Variants in LY9 observed in about 807,000 individuals in gnomAD.
The protein encoded by LY9 is T-lymphocyte surface antigen Ly-9.
In LY9, 59 loss-of-function variants were observed where a neutral mutation model predicts 64.6. The ratio of observed to expected loss-of-function variants is 0.91; its 90% CI spans 0.74 to 1.13. The LOEUF is 1.13. LY9 is among the 50% of genes most tolerant of loss of function. The probability of loss-of-function intolerance (pLI) is 0.00; values close to 1 mark genes in which losing one functional copy is unlikely to be tolerated. For synonymous variants in LY9, 281 were observed against 308.5 expected, an observed-to-expected ratio of 0.91 and a Z score of 0.93; for missense variants, 789 against 797.2, an observed-to-expected ratio of 0.99 and a Z score of 0.12.
rs1371354199 is a variant in LY9, at chr1:160,813,834, T to C, written c.653T>C (p.Leu218Pro). ...TCCCGAACACCATGTGACCCAGACC[T>C]GCCATACATCTGCACAGCCCAGAAC... ...TVSRTPCDPD[L>P]PYICTAQNPV... Residue 218 changes from leucine to proline, a missense_variant, in exon 3 of 10, where the codon CTG becomes CCG. Coordinates refer to ENST00000263285, the MANE Select transcript of LY9 (RefSeq NM_002348.4). The C allele has an allele frequency of 2.5e-6, 4 of 1,614,056 alleles. No homozygotes were observed. Among genetic ancestry groups the C allele is most frequent in the Non-Finnish European group, 3.4e-6 (4 of 1,180,034 alleles).
Position 160,805,545 on chromosome 1 carries a change from A to G in LY9, c.454+5463A>G, listed in dbSNP as rs80093531. Among the ~76,000 whole-genome samples, 136 of 152,294 alleles carry G rather than the reference A, an allele frequency of 8.9e-4. 3 individuals carry two copies. In the East Asian group the frequency reaches 0.024, roughly 27 times the overall value. Reference sequence around the variant, plus strand: ...GTTTATCCTGGAGAATGCTTCATCTACTAATGAAAAGAATGTATATTCTGC... The same window carrying G: ...GTTTATCCTGGAGAATGCTTCATCTGCTAATGAAAAGAATGTATATTCTGC... On this transcript the variant is annotated intron_variant, in intron 2 of 9. Transcript: ENST00000263285.
chr1:160,797,707 C>T (rs1666023240), intron 1 of LY9, among the ~76,000 whole-genome samples: 1 of 152,094 alleles, frequency 6.6e-6, no homozygotes, highest in Non-Finnish European at 1.5e-5. Context: ...AAAAGGCAGT[C>T]GAGTGAAAAG....
At position 160,796,203 on chromosome 1, in the gene LY9, A is replaced by G. The variant is rs763892243; in HGVS notation, c.16A>G (p.Ser6Gly). 1 of 1,614,096 alleles carries G rather than the reference A, an allele frequency of 6.2e-7. No individual in the cohort carries two copies. The highest frequency in any genetic ancestry group is 8.5e-7 in the Non-Finnish European group (1 of 1,180,004). Residue 6 changes from serine (S) to glycine (G), a missense_variant, in exon 1 of 10, where the codon AGT becomes GGT. Coordinates refer to ENST00000263285, the MANE Select transcript of LY9 (RefSeq NM_002348.4). MVAPK[S>G]HTDDWAPGPF... is the part of the protein sequence containing the mutation. ...ATAGATCATCATGGTGGCACCAAAG[A>G]GTCACACAGATGACTGGGCTCCTGG...
In LY9 at chr1:160,819,849, AAGGAAGGGAGGGAGGG is replaced by A. The variant is rs1413217221; in HGVS notation, c.1498+479_1498+494del. ...AGAGAGAGAAAGAAAGGAAGGAAGG[AAGGAAGGGAGGGAGGG>A]AGGGAGGGAGGGAGGGAATCTTGGG... On this transcript the variant is annotated intron_variant, in intron 7 of 9. Transcript: ENST00000263285. 1.6e-4 allele frequency among the ~76,000 whole-genome samples: 9 copies of A among 54,836 alleles called. 1 individual carries two copies. Among genetic ancestry groups the A allele is most frequent in the African/African-American group, 6.8e-4 (8 of 11,762 alleles). 36.0% of individuals were successfully genotyped at this position (54,836 alleles called of 152,430 possible).
intron 2 of LY9, among the ~76,000 whole-genome samples, chr1:160,806,481 C>T (rs148941403): frequency 5.3e-5 from 8 of 152,202 alleles, no homozygotes; most frequent in Middle Eastern, 3.4e-3. Context: ...GTCTGGGAAA[C>T]GCTATTTCTC....
At chr1:160,810,258 T>C (rs1255630385) in intron 2 of LY9, 1 of 152,258 alleles carries the variant, frequency 6.6e-6, no homozygotes, top group African/African-American at 2.4e-5. Context: ...TCTGTATTAG[T>C]GTGATAGGGA....
intron 1 of LY9, among the ~76,000 whole-genome samples, chr1:160,798,390 G>C (rs1299939890): frequency 3.3e-5 from 5 of 152,116 alleles, no homozygotes; most frequent in African/African-American, 1.2e-4. Context: ...CTCCTCATCT[G>C]TAAAAAGGGG....
chr1:160,803,795 C>A (rs1490047714), intron 2 of LY9, among the ~76,000 whole-genome samples: 1 of 152,078 alleles, frequency 6.6e-6, no homozygotes, highest in Non-Finnish European at 1.5e-5. Flanking sequence ...ATTGCTTGAG[C>A]TCGGAAGTTC....
intron 9 of LY9, chr1:160,824,803 C>T (rs369487584): frequency 1.4e-5 from 3 of 217,978 alleles, no homozygotes; most frequent in South Asian, 3.6e-4. Flanking sequence ...CATGGTGAAA[C>T]TCCGTCTCTA....
chr1:160,821,501 G>C (rs980112252), intron 7 of LY9, among the ~76,000 whole-genome samples: 1 of 152,080 alleles, frequency 6.6e-6, no homozygotes, highest in Non-Finnish European at 1.5e-5. Flanking sequence ...TACTTTACCA[G>C]TCCTTATTAA....
intron 8 of LY9, 137 bp from the exon 9 acceptor site, chr1:160,824,044 C>A: frequency 9.7e-7 from 1 of 1,032,532 alleles, no homozygotes; most frequent in Non-Finnish European, 1.4e-6. Context: ...AGGCACCGTC[C>A]CCACTGCACT....
At chr1:160,819,626 C>T (rs1409956336) in intron 7 of LY9, among the ~76,000 whole-genome samples, 1 of 151,390 alleles carries the variant, frequency 6.6e-6, no homozygotes, top group African/African-American at 2.4e-5. Flanking sequence ...CCTGTCTCTA[C>T]TAAAAATAGA....
At chr1:160,823,903 G>T in intron 8 of LY9, 107 bp downstream of exon 8, 1 of 935,832 alleles carries the variant, frequency 1.1e-6, no homozygotes, top group Non-Finnish European at 1.7e-6. Flanking sequence ...CTGGAAACAG[G>T]ACTAGGGGCA....
At position 160,819,137 on chromosome 1, in the gene LY9, C is replaced by T. The variant is rs59304405; in HGVS notation, c.1445-184C>T. Among the ~76,000 whole-genome samples the T allele has an allele frequency of 2.0e-5, 3 of 152,250 alleles. No homozygotes were observed. The East Asian group carries it at 5.8e-4, about 29-fold the overall frequency. On this transcript the variant is annotated intron_variant, in intron 6 of 9. Coordinates refer to ENST00000263285, the MANE Select transcript of LY9 (RefSeq NM_002348.4). Reference sequence around the variant, plus strand: ...GAGCCTCCACCTCTGCAGAAAGTAGCCCTAGACTCTGGCCACCCCTTCACA... The same window carrying T: ...GAGCCTCCACCTCTGCAGAAAGTAGTCCTAGACTCTGGCCACCCCTTCACA...
At chr1:160,819,937 A>G (rs980656638) in intron 7 of LY9, among the ~76,000 whole-genome samples, 17 of 152,022 alleles carry the variant, frequency 1.1e-4, no homozygotes, top group Admixed American at 9.8e-4. Context: ...AACAAGATCC[A>G]TAAGTGATTC....
intron 7 of LY9, among the ~76,000 whole-genome samples, chr1:160,822,283 A>G (rs908498168): frequency 3.9e-5 from 6 of 152,114 alleles, no homozygotes; most frequent in Admixed American, 1.3e-4. Flanking sequence ...GCTGAGTTCT[A>G]TAGTCCAGTT....
intron 9 of LY9, among the ~76,000 whole-genome samples, chr1:160,825,512 T>C (rs1668802854): frequency 6.6e-6 from 1 of 152,224 alleles, no homozygotes; most frequent in African/African-American, 2.4e-5. Flanking sequence ...GATCTGGCTG[T>C]CCATTTCATT....
rs775543997 is a variant in LY9 at position 160,801,826 on chromosome 1, A to C, written c.454+1744A>C. On this transcript the variant is annotated intron_variant, in intron 2 of 9. Coordinates refer to ENST00000263285, the MANE Select transcript of LY9 (RefSeq NM_002348.4). Reference sequence around the variant, plus strand: ...GAAAAGTTGTCCGTCCACGTCATCGAGGGTGACCACCGCACACTCCTGGAG... The same window carrying C: ...GAAAAGTTGTCCGTCCACGTCATCGCGGGTGACCACCGCACACTCCTGGAG... 1.9e-6 allele frequency: 3 copies of C among 1,614,130 alleles called. No homozygotes were observed. The Admixed American group carries it at 5.0e-5, about 27-fold the overall frequency.
intron 2 of LY9, chr1:160,802,422 C>G (rs1445005457): frequency 1.0e-6 from 1 of 986,298 alleles, no homozygotes; most frequent in Non-Finnish European, 1.2e-6. Flanking sequence ...GGCCACTCCC[C>G]GAGGAGCTGG....
Sources: allele counts gnomAD v4.1 joint callset (sites outside exome capture counted in the v4.1 genomes callset), GRCh38; gene constraint gnomAD v4.1.1; transcripts MANE v1.5; gene names NCBI Gene and HGNC (gene_info 2026-07-23, HGNC 2026-07-21).